Variants in NRG3 observed in about 807,000 individuals in gnomAD.
NRG3 encodes neuregulin 3.
NRG3 carries 31 observed loss-of-function variants against 66.9 expected under a neutral mutation model. That is an observed-to-expected ratio of 0.46 (90% confidence interval 0.35 to 0.63). NRG3 has a LOEUF of 0.63. Ranked by LOEUF, NRG3 falls within the 20% of genes least tolerant of loss-of-function variation. NRG3 has a pLI of 0.00. For synonymous variants in NRG3, 393 were observed against 359.4 expected (o/e 1.09, Z -1.06); for missense variants, 910 against 878.9 (o/e 1.04, Z -0.45).
chr10:82,057,256 A>G (rs1312343699), intron 1 of NRG3, among the ~76,000 whole-genome samples: 4 of 151,816 alleles, frequency 2.6e-5, no homozygotes, highest in South Asian at 4.2e-4. Flanking sequence ...CTATAGAGTT[A>G]TTTGGTTCTT....
chr10:81,900,794 CA>C (rs1353266403), intron 1 of NRG3, among the ~76,000 whole-genome samples: 4 of 152,102 alleles, frequency 2.6e-5, no homozygotes, highest in African/African-American at 9.7e-5. Context: ...TCAAAATATT[CA>C]GGGCATTTGT....
chr10:82,223,580 A>T (rs990862346), intron 1 of NRG3, among the ~76,000 whole-genome samples: 2 of 151,572 alleles, frequency 1.3e-5, no homozygotes, highest in East Asian at 3.9e-4. Context: ...ATATACTACT[A>T]GGGTTTTTGC....
intron 2 of NRG3, among the ~76,000 whole-genome samples, chr10:82,536,914 A>T (rs2132705892): frequency 1.3e-5 from 2 of 151,704 alleles, no homozygotes; most frequent in South Asian, 4.1e-4. Context: ...CACTAAATGA[A>T]GAATGAGGAT....
intron 1 of NRG3, among the ~76,000 whole-genome samples, chr10:82,189,185 A>G (rs1245283013): frequency 6.6e-6 from 1 of 152,102 alleles, no homozygotes; most frequent in African/African-American, 2.4e-5. Flanking sequence ...TGATTTTTAA[A>G]TCCCACAAAC....
At chr10:82,199,951 T>C (rs1029459483) in intron 1 of NRG3, among the ~76,000 whole-genome samples, 1 of 151,556 alleles carries the variant, frequency 6.6e-6, no homozygotes. Flanking sequence ...ACTATATTCG[T>C]ATCAGAGCAC....
At chr10:82,520,438 C>T (rs1234141576) in intron 2 of NRG3, among the ~76,000 whole-genome samples, 1 of 151,936 alleles carries the variant, frequency 6.6e-6, no homozygotes, top group African/African-American at 2.4e-5. Context: ...ACAAAACCCT[C>T]AGTAATCATT....
At position 81,909,275 on chromosome 10, in the gene NRG3, C is replaced by T. The variant is rs1844890053; in HGVS notation, c.823+33112C>T. 2.0e-5 allele frequency among the ~76,000 whole-genome samples: 3 copies of T among 152,190 alleles called. No homozygotes were observed. The South Asian group carries it at 6.2e-4, about 32-fold the overall frequency. The stretch of plus-strand genomic sequence containing the variant: ...ACACTGGCCATTTTGGGTTTAAGGC[C>T]CATTCTACTCCAGTCTGACCTTATT... On this transcript the variant is annotated intron_variant, in intron 1 of 8. Transcript: ENST00000372141.
At chr10:82,091,791 T>C (rs535367111) in intron 1 of NRG3, among the ~76,000 whole-genome samples, 86 of 152,304 alleles carry the variant, frequency 5.6e-4, no homozygotes, top group African/African-American at 1.9e-3. Flanking sequence ...TGTTCTAATT[T>C]CTCCACGTTC....
intron 1 of NRG3, among the ~76,000 whole-genome samples, chr10:82,187,067 G>A (rs2073850534): frequency 6.6e-6 from 1 of 152,110 alleles, no homozygotes; most frequent in South Asian, 2.1e-4. Flanking sequence ...GTAGATACTT[G>A]TAATTGAGTT....
intron 2 of NRG3, among the ~76,000 whole-genome samples, chr10:82,642,939 A>G (rs2050682457): frequency 6.6e-6 from 1 of 152,066 alleles, no homozygotes; most frequent in African/African-American, 2.4e-5. Context: ...TTATAGAAAT[A>G]GATCCTGAAA....
chr10:82,435,114 G>T (rs1024065386), intron 2 of NRG3, among the ~76,000 whole-genome samples: 3 of 151,942 alleles, frequency 2.0e-5, no homozygotes, highest in Non-Finnish European at 2.9e-5. Flanking sequence ...TACTGCCTCT[G>T]TTTCAGAGCT....
chr10:81,930,493 C>T (rs1847236981), intron 1 of NRG3, among the ~76,000 whole-genome samples: 1 of 149,562 alleles, frequency 6.7e-6, no homozygotes, highest in African/African-American at 2.5e-5. Context: ...AGAATAAGGG[C>T]TTGTCACTAT....
At chr10:82,354,598 G>A (rs568797584) in intron 1 of NRG3, among the ~76,000 whole-genome samples, 1 of 152,058 alleles carries the variant, frequency 6.6e-6, no homozygotes, top group Non-Finnish European at 1.5e-5. Flanking sequence ...CACCATGTTG[G>A]CCAGGCTGGT....
At chr10:82,886,730 A>G (rs1249940791) in intron 4 of NRG3, among the ~76,000 whole-genome samples, 1 of 152,144 alleles carries the variant, frequency 6.6e-6, no homozygotes, top group Non-Finnish European at 1.5e-5. Flanking sequence ...ACATGCCTAC[A>G]TTTTCTCAAG....
intron 3 of NRG3, among the ~76,000 whole-genome samples, chr10:82,790,017 T>A (rs1200704716): frequency 6.6e-6 from 1 of 152,118 alleles, no homozygotes; most frequent in Non-Finnish European, 1.5e-5. Flanking sequence ...TCTCCTCCTT[T>A]TGCACTGTTA....
intron 4 of NRG3, among the ~76,000 whole-genome samples, chr10:82,921,876 T>C (rs576350542): frequency 1.3e-3 from 199 of 152,218 alleles, no homozygotes; most frequent in African/African-American, 4.5e-3. Context: ...TGATGTAGGT[T>C]TGTGTGGAAT....
intron 4 of NRG3, among the ~76,000 whole-genome samples, chr10:82,882,215 A>G (rs971099326): frequency 6.6e-6 from 1 of 152,162 alleles, no homozygotes; most frequent in Non-Finnish European, 1.5e-5. Context: ...GTTCTACTGT[A>G]ACTTTGCTAG....
Position 82,216,458 on chromosome 10 carries a change from A to ATG in NRG3, c.824-142280_824-142279insGT, listed in dbSNP as rs1169695052. On this transcript the variant is annotated intron_variant, in intron 1 of 8. Coordinates refer to ENST00000372141, the MANE Select transcript of NRG3 (RefSeq NM_001010848.4). Reference sequence around the variant, plus strand: ...AGAAATTAGAAAATACATTTTATATATATGTGTGTGTGTGTGTGTGTGTGT... The same window carrying ATG: ...AGAAATTAGAAAATACATTTTATATATGTATGTGTGTGTGTGTGTGTGTGTGT... 6.3e-5 allele frequency among the ~76,000 whole-genome samples: 8 copies of ATG among 126,832 alleles called. No individual in the cohort carries two copies. In the South Asian group the frequency reaches 1.3e-3, roughly 21 times the overall value. 83.2% of individuals were successfully genotyped at this position (126,832 alleles called of 152,430 possible). A position where few individuals can be genotyped will look rare whatever the true frequency, so the allele number is the denominator to read the frequency against.
intron 2 of NRG3, among the ~76,000 whole-genome samples, chr10:82,490,468 C>G (rs1022565027): frequency 6.6e-6 from 1 of 152,102 alleles, no homozygotes; most frequent in African/African-American, 2.4e-5. Context: ...TGCTGAACAC[C>G]CTTTCTTACT....
Sources: allele counts gnomAD v4.1 joint callset (sites outside exome capture counted in the v4.1 genomes callset), GRCh38; gene constraint gnomAD v4.1.1; transcripts MANE v1.5; gene names NCBI Gene and HGNC (gene_info 2026-07-23, HGNC 2026-07-21).